The following SGCZ variants were observed in gnomAD, a reference collection of about 807,000 sequenced individuals.
SGCZ encodes sarcoglycan zeta, also known as zeta-sarcoglycan.
Under a neutral mutation model 41.3 loss-of-function variants are expected in SGCZ, and 40 were observed. The observed-to-expected ratio is 0.97, with a 90% CI of 0.75 to 1.26. The LOEUF (loss-of-function observed/expected upper bound fraction) is 1.26, where lower values mean the gene tolerates loss of function less well. SGCZ is among the 50% of genes most tolerant of loss of function. SGCZ has a pLI of 0.00. For synonymous variants in SGCZ, 206 were observed against 137.5 expected, an observed-to-expected ratio of 1.50 and a Z score of -3.49; for missense variants, 552 against 369.8, an observed-to-expected ratio of 1.49 and a Z score of -4.04.
In SGCZ at chr8:14,700,626, A is replaced by T. The variant is rs565725922; in HGVS notation, c.40-145700T>A. Among the ~76,000 whole-genome samples, 6 of 152,118 alleles carry T rather than the reference A, an allele frequency of 3.9e-5. No homozygotes were observed. The East Asian group carries it at 1.2e-3, about 29-fold the overall frequency. Reference sequence around the variant, plus strand: ...AAACTAAAATAAAAGTTGATTCAAAAATCAACCTTTTAATTTAATACTATA... The same window carrying T: ...AAACTAAAATAAAAGTTGATTCAAATATCAACCTTTTAATTTAATACTATA... On this transcript the variant is annotated intron_variant, in intron 1 of 7. Coordinates refer to ENST00000382080, the MANE Select transcript of SGCZ (RefSeq NM_139167.4).
At chr8:14,720,139 A>G (rs998253636) in intron 1 of SGCZ, among the ~76,000 whole-genome samples, 6 of 151,876 alleles carry the variant, frequency 4.0e-5, no homozygotes, top group Non-Finnish European at 5.9e-5. Flanking sequence ...TTTTCAGACT[A>G]TCTGATCTTG....
At chr8:14,746,341 A>G (rs1235866929) in intron 1 of SGCZ, among the ~76,000 whole-genome samples, 1 of 151,920 alleles carries the variant, frequency 6.6e-6, no homozygotes, top group Non-Finnish European at 1.5e-5. Context: ...ACTTTTTCAT[A>G]ATATGAATAA....
At chr8:14,485,799 C>G (rs770382816) in intron 2 of SGCZ, among the ~76,000 whole-genome samples, 3 of 149,494 alleles carry the variant, frequency 2.0e-5, no homozygotes, top group African/African-American at 7.4e-5. Context: ...CAAGGACATA[C>G]GCTGTTTAAC....
chr8:14,370,655 G>T (rs1433539809), intron 2 of SGCZ, among the ~76,000 whole-genome samples: 1 of 151,618 alleles, frequency 6.6e-6, no homozygotes, highest in Non-Finnish European at 1.5e-5. Context: ...TAATATTTAT[G>T]TGGTTAATGA....
intron 3 of SGCZ, among the ~76,000 whole-genome samples, chr8:14,277,798 T>C (rs928420477): frequency 6.6e-6 from 1 of 152,118 alleles, no homozygotes; most frequent in African/African-American, 2.4e-5. Flanking sequence ...AATCTCCTTA[T>C]CTGAGGAAGG....
intron 2 of SGCZ, among the ~76,000 whole-genome samples, chr8:14,415,786 G>C (rs1384272328): frequency 6.6e-6 from 1 of 151,904 alleles, no homozygotes. Context: ...AGCAACGAAA[G>C]TGTGCATGAA....
chr8:14,916,501 A>C (rs1380146002), intron 1 of SGCZ, among the ~76,000 whole-genome samples: 1 of 152,256 alleles, frequency 6.6e-6, no homozygotes, highest in Non-Finnish European at 1.5e-5. Flanking sequence ...CTCCAAATTT[A>C]GCAGAACACT....
chr8:14,410,083 G>A (rs1563311288), intron 2 of SGCZ, among the ~76,000 whole-genome samples: 1 of 152,072 alleles, frequency 6.6e-6, no homozygotes, highest in Non-Finnish European at 1.5e-5. Context: ...AAGACCAGGG[G>A]TGGCGTTAGA....
chr8:14,632,748 A>C (rs768233480), intron 1 of SGCZ, among the ~76,000 whole-genome samples: 1 of 152,048 alleles, frequency 6.6e-6, no homozygotes, highest in Admixed American at 6.6e-5. Context: ...AAAATCCAAT[A>C]TTCTATTTCT....
At chr8:14,806,944 T>C (rs10087697) in intron 1 of SGCZ, among the ~76,000 whole-genome samples, 8,672 of 151,472 alleles carry the variant, frequency 0.057, 295 homozygotes, top group African/African-American at 0.1. Context: ...AATCAATAAA[T>C]GTAATCCAGC....
chr8:14,384,232 TGC>T (rs1279613401), intron 2 of SGCZ, among the ~76,000 whole-genome samples: 7 of 152,212 alleles, frequency 4.6e-5, no homozygotes, highest in South Asian at 2.1e-4. Context: ...TTTTTGTCCT[TGC>T]GATAGTTTGC....
chr8:14,290,022 C>G (rs890475711), intron 3 of SGCZ, among the ~76,000 whole-genome samples: 1 of 151,804 alleles, frequency 6.6e-6, no homozygotes, highest in Non-Finnish European at 1.5e-5. Context: ...AGCATTATCA[C>G]GAGAACAGCA....
intron 1 of SGCZ, among the ~76,000 whole-genome samples, chr8:14,764,223 T>A (rs1274925544): frequency 6.6e-6 from 1 of 152,202 alleles, no homozygotes; most frequent in Non-Finnish European, 1.5e-5. Context: ...ATAATGAATG[T>A]AGATATGTTA....
chr8:14,713,728 G>T (rs73529214), intron 1 of SGCZ, among the ~76,000 whole-genome samples: 9,517 of 150,756 alleles, frequency 0.063, 882 homozygotes, highest in African/African-American at 0.2. Context: ...GATAATACAG[G>T]TTATTTAGAA....
At chr8:14,165,283 G>T (rs531355897) in intron 4 of SGCZ, 1 of 151,976 alleles carries the variant, frequency 6.6e-6, no homozygotes, top group South Asian at 2.1e-4. Flanking sequence ...TTCCTTAGTG[G>T]TACCTAATGT....
At chr8:14,722,764 A>C (rs1003295976) in intron 1 of SGCZ, among the ~76,000 whole-genome samples, 1 of 152,126 alleles carries the variant, frequency 6.6e-6, no homozygotes, top group African/African-American at 2.4e-5. Flanking sequence ...CCTTCTAGGC[A>C]GAGGGAGGGG....
At chr8:14,984,718 G>C (rs953363013) in intron 1 of SGCZ, among the ~76,000 whole-genome samples, 1 of 152,082 alleles carries the variant, frequency 6.6e-6, no homozygotes, top group African/African-American at 2.4e-5. Context: ...TTTGACCGAG[G>C]TTTCTAATTT....
At chr8:14,547,059 A>G (rs1486979285) in intron 2 of SGCZ, among the ~76,000 whole-genome samples, 2 of 152,238 alleles carry the variant, frequency 1.3e-5, no homozygotes, top group Non-Finnish European at 2.9e-5. Context: ...GCTCTCTGGC[A>G]TCTTAAACTT....
At chr8:14,147,122 C>A (rs779889957) in intron 5 of SGCZ, among the ~76,000 whole-genome samples, 3 of 151,552 alleles carry the variant, frequency 2.0e-5, no homozygotes, top group Non-Finnish European at 4.4e-5. Context: ...AATAGATACA[C>A]AAAAACTAAA....
Sources: allele counts gnomAD v4.1 joint callset (sites outside exome capture counted in the v4.1 genomes callset), GRCh38; gene constraint gnomAD v4.1.1; transcripts MANE v1.5; gene names NCBI Gene and HGNC (gene_info 2026-07-23, HGNC 2026-07-21).